DLGAP4: variants seen among roughly 807,000 people sequenced by gnomAD.
DLGAP4 encodes the protein DLG associated protein 4.
In DLGAP4, 18 loss-of-function variants were observed where a neutral mutation model predicts 86.9. That is an observed-to-expected ratio of 0.21 (90% CI 0.14 to 0.31). The LOEUF is 0.31. Among genes scored for constraint, DLGAP4 ranks in the 10% least tolerant of loss-of-function variants. DLGAP4 has a pLI of 1.00. For missense variants in DLGAP4, 1,085 were observed against 1,362.6 expected, an observed-to-expected ratio of 0.80 and a Z score of 3.21; for synonymous variants, 548 against 574.3, an observed-to-expected ratio of 0.95 and a Z score of 0.65.
intron 7 of DLGAP4, among the ~76,000 whole-genome samples, chr20:36,462,833 G>A (rs113772647): frequency 2.8e-4 from 42 of 152,378 alleles, no homozygotes; most frequent in African/African-American, 9.9e-4. Context: ...GGGCACCACG[G>A]GCTGGGCATC....
intron 7 of DLGAP4, among the ~76,000 whole-genome samples, chr20:36,459,929 G>GC (rs1600561899): frequency 1.3e-5 from 2 of 152,120 alleles, no homozygotes; most frequent in Non-Finnish European, 2.9e-5. Context: ...TTCAGTTGGT[G>GC]CCCCCAGTGA....
intron 7 of DLGAP4, chr20:36,461,768 C>CCCGCCCGCGCTTCCGT: frequency 2.2e-6 from 2 of 898,110 alleles, no homozygotes; most frequent in Non-Finnish European, 2.6e-6. Context: ...CGCCCGCCCG[C>CCCGCCCGCGCTTCCGT]CCGCGCTTCC....
At position 36,439,743 on chromosome 20, in the gene DLGAP4, C is replaced by T. The variant is rs750566233; in HGVS notation, c.1242-11C>T. 6.2e-7 allele frequency: 1 copy of T among 1,610,558 alleles called. No individual in the cohort carries two copies. Among genetic ancestry groups the T allele is most frequent in the South Asian group, 1.1e-5 (1 of 90,706 alleles). ...TGGGCTGAGCCCTGTCTGCTCCCCA[C>T]TCCCCACCAGGAGTCTGGACCGCCT... On this transcript the variant is annotated splice_polypyrimidine_tract_variant and intron_variant, in intron 4 of 12. Coordinates refer to ENST00000339266, the MANE Select transcript of DLGAP4 (RefSeq NM_001365621.2).
At chr20:36,409,921 C>A (rs1195062049) in intron 2 of DLGAP4, among the ~76,000 whole-genome samples, 2 of 150,722 alleles carry the variant, frequency 1.3e-5, no homozygotes, top group Non-Finnish European at 2.9e-5. Context: ...ATAGTCCCAG[C>A]TACTCGGGAG....
chr20:36,435,143 G>A (rs774368780), intron 3 of DLGAP4, among the ~76,000 whole-genome samples: 35 of 152,192 alleles, frequency 2.3e-4, no homozygotes, highest in Middle Eastern at 6.8e-3. Flanking sequence ...GTGGTACACT[G>A]GGGGTACTCA....
intron 2 of DLGAP4, among the ~76,000 whole-genome samples, chr20:36,414,328 A>G (rs1190655055): frequency 6.6e-6 from 1 of 152,150 alleles, no homozygotes; most frequent in Non-Finnish European, 1.5e-5. Context: ...TAGTTGTCCC[A>G]GTGGTGACCT....
chr20:36,432,685 G>A lies in DLGAP4; in HGVS notation c.968G>A (p.Cys323Tyr), dbSNP rs781419887. 1 of 1,613,424 alleles carries A rather than the reference G, an allele frequency of 6.2e-7. No individual in the cohort carries two copies. Among genetic ancestry groups the A allele is most frequent in the Non-Finnish European group, 8.5e-7 (1 of 1,179,796 alleles). Residue 323 changes from cysteine (C) to tyrosine (Y), a missense_variant, in exon 3 of 13, where the codon TGC (cysteine) becomes TAC (tyrosine). By Grantham distance (194) the Cys-to-Tyr change is radical. This residue lies in a region of DLGAP4 where 1,082 missense variants were observed against 1,344.1 expected (regional missense o/e 0.81). Coordinates refer to ENST00000339266, the MANE Select transcript of DLGAP4 (RefSeq NM_001365621.2). This position sits in a 1 kb window ranked among gnomAD's most constrained non-coding sequence, Gnocchi z 6.5. ...LDKSLLKSKS[C>Y]HQGLAYHYLQ... is the part of the protein sequence containing the mutation. Reference sequence around the variant, plus strand: ...AAGAGCCTGCTCAAGTCCAAATCCTGCCACCAGGGTCTAGCCTACCATTAC... The same window carrying A: ...AAGAGCCTGCTCAAGTCCAAATCCTACCACCAGGGTCTAGCCTACCATTAC...
At chr20:36,498,898 T>G (rs1600658301) in intron 8 of DLGAP4, 2 of 249,160 alleles carry the variant, frequency 8.0e-6, no homozygotes, top group Non-Finnish European at 1.6e-5. Context: ...GTGGAGGGAG[T>G]GACAGCTTTC....
rs1295270442 is a variant in DLGAP4 at position 36,308,878 on chromosome 20, A to G, written c.-304+2366A>G. On this transcript the variant is annotated intron_variant, in intron 1 of 12. Transcript: ENST00000339266. This position sits in a 1 kb window ranked among gnomAD's most constrained non-coding sequence, Gnocchi z 4.5. ...GAAATGTGAATTAATAAAATCTTGA[A>G]TGCAGGGTTTTTTTTTATAGAAAGT... Among the ~76,000 whole-genome samples, 1 of 152,162 alleles carries G rather than the reference A, an allele frequency of 6.6e-6. No individual in the cohort carries two copies. The highest frequency in any genetic ancestry group is 1.9e-4 in the East Asian group (1 of 5,198).
At chr20:36,366,532 C>G (rs955852436) in intron 1 of DLGAP4, among the ~76,000 whole-genome samples, 2 of 152,210 alleles carry the variant, frequency 1.3e-5, no homozygotes, top group African/African-American at 4.8e-5. Flanking sequence ...TTCACCTGCA[C>G]TGTCTTCTCA....
chr20:36,358,761 T>A (rs2030419438), intron 1 of DLGAP4, among the ~76,000 whole-genome samples: 1 of 152,106 alleles, frequency 6.6e-6, no homozygotes. Flanking sequence ...TGAGCCGAGA[T>A]GGTGCCACTG....
chr20:36,526,269 C>CTCAA, intron 12 of DLGAP4: 3 of 615,036 alleles, frequency 4.9e-6, no homozygotes, highest in Non-Finnish European at 8.6e-6. Flanking sequence ...CGCCCACAGC[C>CTCAA]TCAATCACGT....
intron 7 of DLGAP4, among the ~76,000 whole-genome samples, chr20:36,471,998 G>A (rs188475124): frequency 2.0e-4 from 31 of 152,224 alleles, no homozygotes; most frequent in Admixed American, 3.3e-4. Context: ...GAACTCAGTC[G>A]GTAGATCCGA....
rs557762570 is a variant in DLGAP4, at chr20:36,431,678, G to A, written c.-40G>A. 82 of 1,524,118 alleles carry A rather than the reference G, an allele frequency of 5.4e-5. No individual in the cohort carries two copies. The highest frequency in any genetic ancestry group is 1.8e-4 in the Middle Eastern group (1 of 5,568). The allele number at this position is 1,524,118 out of a possible 1,614,324, so 94.4% of individuals were successfully genotyped here. On this transcript the variant is annotated 5_prime_UTR_variant, in exon 3 of 13. Transcript: ENST00000339266. The surrounding 1 kb of genome is among the most constrained non-coding windows in gnomAD (Gnocchi z 5.1). ...GCCGCCCGGGAGAGGTGACCCGGGC[G>A]CCCTGCTAGGGTGAAGGCCCCTGCC...
chr20:36,479,554 C>T (rs1330100978), intron 7 of DLGAP4, among the ~76,000 whole-genome samples: 1 of 151,996 alleles, frequency 6.6e-6, no homozygotes. Context: ...CCTGGGAAGA[C>T]TGTTAGGGAA....
chr20:36,307,530 G>A (rs1179049886), intron 1 of DLGAP4, among the ~76,000 whole-genome samples: 1 of 152,246 alleles, frequency 6.6e-6, no homozygotes, highest in Non-Finnish European at 1.5e-5. Context: ...TGAAATGGGG[G>A]AGGGGTTGTG....
chr20:36,309,510 G>A (rs1342895911), intron 1 of DLGAP4, among the ~76,000 whole-genome samples: 2 of 152,192 alleles, frequency 1.3e-5, no homozygotes, highest in African/African-American at 2.4e-5. Context: ...GCCTCCAGCT[G>A]GGTCTGCATA....
At chr20:36,411,171 G>C (rs2032487590) in intron 2 of DLGAP4, among the ~76,000 whole-genome samples, 1 of 152,106 alleles carries the variant, frequency 6.6e-6, no homozygotes, top group South Asian at 2.1e-4. Flanking sequence ...TGTATTTTTA[G>C]TAGAAATGGG....
intron 7 of DLGAP4, among the ~76,000 whole-genome samples, chr20:36,450,906 AG>A (rs2147588359): frequency 6.6e-6 from 1 of 152,282 alleles, no homozygotes; most frequent in Admixed American, 6.5e-5. Context: ...ATTAGGTACA[AG>A]TTCTCCCTGG....
Sources: gnomAD v4.1 joint callset for allele counts (sites outside exome capture counted in the v4.1 genomes callset) on GRCh38, gnomAD v4.1.1 for gene constraint, gnomAD v4.1.1 regional missense constraint, Gnocchi (gnomAD v3.1) non-coding constraint, MANE v1.5 for transcripts, NCBI Gene and HGNC (gene_info 2026-07-23, HGNC 2026-07-21) for gene names.